Variants in CCDC171 observed in about 807,000 individuals in gnomAD.
CCDC171 encodes the protein coiled-coil domain-containing protein 171.
Under a neutral mutation model 168.2 loss-of-function variants are expected in CCDC171, and 177 were observed. The observed-to-expected ratio is 1.05, with a 90% CI of 0.93 to 1.19. CCDC171 has a LOEUF of 1.19. Among genes scored for constraint, CCDC171 ranks in the 50% most tolerant of loss-of-function variants. The probability of loss-of-function intolerance (pLI) is 0.00; values close to 1 mark genes in which losing one functional copy is unlikely to be tolerated. For synonymous variants in CCDC171, 687 were observed against 540.8 expected, an observed-to-expected ratio of 1.27 and a Z score of -3.75; for missense variants, 1,991 against 1,539.0, an observed-to-expected ratio of 1.29 and a Z score of -4.91.
chr9:15,959,626 A>C (rs1315479548), intron 25 of CCDC171, among the ~76,000 whole-genome samples: 1 of 152,148 alleles, frequency 6.6e-6, no homozygotes, highest in Admixed American at 6.6e-5. Context: ...ACTGCATTTC[A>C]AACAAGTCTA....
chr9:15,845,389 C>T (rs770001094), intron 21 of CCDC171, among the ~76,000 whole-genome samples: 6 of 151,946 alleles, frequency 3.9e-5, no homozygotes, highest in Non-Finnish European at 8.8e-5. Context: ...ATTTGTTTGA[C>T]GGTAACTCGA....
chr9:15,651,203 G>T (rs1288852539), intron 7 of CCDC171, among the ~76,000 whole-genome samples: 1 of 151,796 alleles, frequency 6.6e-6, no homozygotes, highest in African/African-American at 2.4e-5. Flanking sequence ...CCACCTCCCG[G>T]GTTCAAGTGA....
At chr9:15,774,061 C>T (rs760586242) in intron 18 of CCDC171, among the ~76,000 whole-genome samples, 25 of 151,836 alleles carry the variant, frequency 1.6e-4, no homozygotes, top group Admixed American at 3.9e-4. Context: ...GTCTGGTCAA[C>T]GTGGTGAAAC....
At chr9:15,903,198 C>T (rs923852491) in intron 24 of CCDC171, among the ~76,000 whole-genome samples, 19 of 152,312 alleles carry the variant, frequency 1.2e-4, no homozygotes, top group African/African-American at 3.6e-4. Flanking sequence ...TCTCCCAGCA[C>T]GGAGTTTGAG....
chr9:15,673,064 C>G (rs891978308), intron 9 of CCDC171, among the ~76,000 whole-genome samples: 21 of 152,128 alleles, frequency 1.4e-4, no homozygotes, highest in African/African-American at 5.1e-4. Flanking sequence ...TTGAAGAGGT[C>G]CTTCACATCC....
At chr9:15,774,774 A>G (rs1461041635) in intron 18 of CCDC171, among the ~76,000 whole-genome samples, 1 of 152,250 alleles carries the variant, frequency 6.6e-6, no homozygotes, top group Non-Finnish European at 1.5e-5. Context: ...CTACTCAGCC[A>G]CAAAAAGGAA....
chr9:15,721,272 G>A (rs1241363880), intron 11 of CCDC171, among the ~76,000 whole-genome samples: 2 of 151,878 alleles, frequency 1.3e-5, no homozygotes, highest in Admixed American at 1.3e-4. Context: ...TATACTCTTG[G>A]GTTCAGAAAT....
chr9:15,579,055 G>C, intron 4 of CCDC171, 32 bp downstream of exon 4: 2 of 1,582,510 alleles, frequency 1.3e-6, no homozygotes, highest in Non-Finnish European at 1.7e-6. Context: ...CCCAAGTTTA[G>C]GGTTGTAACC....
At chr9:16,100,832 T>G in the CCDC171 span, among the ~76,000 whole-genome samples, 2 of 152,152 alleles carry the variant, frequency 1.3e-5, no homozygotes, top group Admixed American at 6.5e-5. Context: ...GGGCAAGAGC[T>G]TCTGTTGGGG....
chr9:15,847,993 G>T (rs2060975282), intron 22 of CCDC171, among the ~76,000 whole-genome samples: 1 of 151,982 alleles, frequency 6.6e-6, no homozygotes, highest in Non-Finnish European at 1.5e-5. Context: ...GACTAAATCA[G>T]TTTTTGTTGT....
At chr9:15,748,626 T>C (rs1015536102) in intron 18 of CCDC171, among the ~76,000 whole-genome samples, 5 of 152,318 alleles carry the variant, frequency 3.3e-5, no homozygotes, top group Middle Eastern at 6.8e-3. Context: ...GCGGATCTCT[T>C]AGCAGAAACC....
chr9:15,951,185 A>G (rs1489485069), intron 25 of CCDC171, among the ~76,000 whole-genome samples: 1 of 150,680 alleles, frequency 6.6e-6, no homozygotes, highest in South Asian at 2.2e-4. Context: ...GGAGACTTTA[A>G]CACCCCACTG....
intron 21 of CCDC171, among the ~76,000 whole-genome samples, chr9:15,806,795 T>C (rs1257321946): frequency 7.2e-5 from 11 of 152,202 alleles, no homozygotes; most frequent in Non-Finnish European, 1.2e-4. Flanking sequence ...GACATTTTCA[T>C]TGACAATATC....
At chr9:15,832,926 GTCAGGA>G (rs1419149167) in intron 21 of CCDC171, among the ~76,000 whole-genome samples, 1 of 151,232 alleles carries the variant, frequency 6.6e-6, no homozygotes, top group Non-Finnish European at 1.5e-5. Context: ...TCTACACAGG[GTCAGGA>G]TCATCAAGAT....
intron 21 of CCDC171, among the ~76,000 whole-genome samples, chr9:15,797,870 A>G (rs1031354961): frequency 1.3e-5 from 2 of 152,188 alleles, no homozygotes; most frequent in African/African-American, 4.8e-5. Context: ...ATATTAAGTT[A>G]TTCCTGTGCT....
chr9:15,914,058 C>T (rs573388382), intron 24 of CCDC171, among the ~76,000 whole-genome samples: 1 of 152,208 alleles, frequency 6.6e-6, no homozygotes. Flanking sequence ...AGCCGGAGCG[C>T]TTGTATATGA....
chr9:16,059,836 C>T (rs1265933073), intron 1 of CCDC171, among the ~76,000 whole-genome samples: 8 of 151,792 alleles, frequency 5.3e-5, no homozygotes, highest in Admixed American at 4.6e-4. Flanking sequence ...TTAACACACC[C>T]GACTTATTAA....
chr9:15,726,035 G>A (rs1274223086), intron 14 of CCDC171, among the ~76,000 whole-genome samples: 1 of 152,082 alleles, frequency 6.6e-6, no homozygotes, highest in Non-Finnish European at 1.5e-5. Context: ...TAGTGGAACT[G>A]GTTTATCTAA....
intron 25 of CCDC171, among the ~76,000 whole-genome samples, chr9:15,961,278 A>G (rs1437246644): frequency 6.6e-6 from 1 of 152,226 alleles, no homozygotes; most frequent in Non-Finnish European, 1.5e-5. Flanking sequence ...ATTAAATAAA[A>G]AAGGTTTATA....
Sources: gnomAD v4.1 joint callset for allele counts (sites outside exome capture counted in the v4.1 genomes callset) on GRCh38, gnomAD v4.1.1 for gene constraint, MANE v1.5 for transcripts, NCBI Gene and HGNC (gene_info 2026-07-23, HGNC 2026-07-21) for gene names.